The following SHC4 variants were observed in gnomAD, a reference collection of about 807,000 sequenced individuals.
The protein encoded by SHC4 is SHC adaptor protein 4.
SHC4 carries 41 observed loss-of-function variants against 69.4 expected under a neutral mutation model. The observed-to-expected ratio is 0.59, with a 90% confidence interval of 0.46 to 0.77. The LOEUF is 0.77. Among genes scored for constraint, SHC4 ranks in the 30% least tolerant of loss-of-function variants. SHC4 has a pLI of 0.00. For synonymous variants in SHC4, 318 were observed against 299.3 expected, an observed-to-expected ratio of 1.06 and a Z score of -0.64; for missense variants, 777 against 783.8, an observed-to-expected ratio of 0.99 and a Z score of 0.10.
intron 2 of SHC4, among the ~76,000 whole-genome samples, chr15:48,918,546 A>G (rs1423381939): frequency 1.3e-5 from 2 of 151,710 alleles, no homozygotes; most frequent in African/African-American, 4.8e-5. Context: ...CTTATTAAAC[A>G]TTACTATTGA....
intron 5 of SHC4, among the ~76,000 whole-genome samples, chr15:48,871,232 T>A (rs905732850): frequency 6.6e-6 from 1 of 152,206 alleles, no homozygotes; most frequent in African/African-American, 2.4e-5. Context: ...CTGTGTATGT[T>A]CCCCCTGCTT....
intron 2 of SHC4, among the ~76,000 whole-genome samples, chr15:48,902,022 C>A (rs190989586): frequency 2.0e-5 from 3 of 152,040 alleles, no homozygotes; most frequent in African/African-American, 7.2e-5. Context: ...TGCAACATGG[C>A]AAAACCCTGT....
At chr15:48,889,497 A>G (rs1420844583) in intron 3 of SHC4, among the ~76,000 whole-genome samples, 2 of 152,218 alleles carry the variant, frequency 1.3e-5, no homozygotes, top group Non-Finnish European at 2.9e-5. Flanking sequence ...CTCTTGTCTC[A>G]GACTCAGTTT....
intron 11 of SHC4, 127 bp from the exon 12 acceptor site, chr15:48,826,253 C>CTTTT: frequency 6.3e-6 from 4 of 639,568 alleles, no homozygotes; most frequent in East Asian, 3.5e-5. Flanking sequence ...AGAAAAGGTA[C>CTTTT]TTTTTTTTTT....
At position 48,856,020 on chromosome 15, in the gene SHC4, C is replaced by T. The variant is rs754919524; in HGVS notation, c.1175G>A (p.Arg392Gln). ...TTGTTCCGTGGCTTGAACTTTGATCCGCATATCTGAAACACCACCTACTGG... is the reference window on the plus strand; with the variant it reads ...TTGTTCCGTGGCTTGAACTTTGATCTGCATATCTGAAACACCACCTACTGG... ...QPPVGGVSDM[R>Q]IKVQATEQMA... is the part of the protein sequence containing the mutation. The change falls in exon 8 of 12, where the codon CGG becomes CAG. Residue 392 changes from arginine to glutamine, a missense_variant. By Grantham distance (43) the Arg-to-Gln change is conservative (BLOSUM62 1). Coordinates refer to ENST00000332408, the MANE Select transcript of SHC4 (RefSeq NM_203349.4). 2.4e-5 allele frequency: 39 copies of T among 1,613,692 alleles called. No individual in the cohort carries two copies. The East Asian group carries it at 4.0e-4, about 17-fold the overall frequency.
intron 1 of SHC4, among the ~76,000 whole-genome samples, chr15:48,941,449 T>C (rs1901173318): frequency 6.6e-6 from 1 of 152,042 alleles, no homozygotes; most frequent in African/African-American, 2.4e-5. Context: ...TTTTGAGAAA[T>C]TGATATTTTA....
chr15:48,914,363 C>G (rs1595755506), intron 2 of SHC4, among the ~76,000 whole-genome samples: 1 of 152,332 alleles, frequency 6.6e-6, no homozygotes, highest in African/African-American at 2.4e-5. Context: ...GGCCACTTAC[C>G]TCTCTGAGCC....
intron 1 of SHC4, among the ~76,000 whole-genome samples, chr15:48,944,526 A>G (rs554768460): frequency 6.6e-6 from 1 of 152,316 alleles, no homozygotes; most frequent in South Asian, 2.1e-4. Flanking sequence ...AATGAGCCCA[A>G]AGATGGAAGC....
chr15:48,876,587 G>A, intron 4 of SHC4: 1 of 698,848 alleles, frequency 1.4e-6, no homozygotes, highest in Non-Finnish European at 2.6e-6. Context: ...TGCAGGCTAA[G>A]GAGAGAGGAG....
At chr15:48,877,450 TAAGTTG>T in intron 4 of SHC4, 1 of 983,100 alleles carries the variant, frequency 1.0e-6, no homozygotes, top group Non-Finnish European at 1.2e-6. Context: ...CTGAGGCTTT[TAAGTTG>T]AAGGTAAAAA....
At position 48,825,692 on chromosome 15, in the gene SHC4, CTTG is replaced by C; in HGVS notation, c.*276_*278del. On this transcript the variant is annotated 3_prime_UTR_variant, in exon 12 of 12. Coordinates refer to ENST00000332408, the MANE Select transcript of SHC4 (RefSeq NM_203349.4). ...TGTGAAATTTTAGTTGTGCTTTTAGCTTGTTATCAATGCAATATGGCCTTAAAA... is the reference window on the plus strand; with the variant it reads ...TGTGAAATTTTAGTTGTGCTTTTAGCTTATCAATGCAATATGGCCTTAAAA... The C allele has an allele frequency of 3.5e-6, 1 of 286,032 alleles. No individual in the cohort carries two copies. The highest frequency in any genetic ancestry group is 6.9e-5 in the East Asian group (1 of 14,592). 17.7% of individuals were successfully genotyped at this position (286,032 alleles called of 1,614,324 possible). A position where few individuals can be genotyped will look rare whatever the true frequency, so the allele number is the denominator to read the frequency against.
chr15:48,930,623 C>T (rs916938968), intron 1 of SHC4, among the ~76,000 whole-genome samples: 13 of 152,046 alleles, frequency 8.6e-5, no homozygotes, highest in Admixed American at 5.2e-4. Flanking sequence ...GGGGACAGAG[C>T]GAGACCCTGT....
At chr15:48,908,463 T>A (rs1306752767) in intron 2 of SHC4, among the ~76,000 whole-genome samples, 1 of 152,224 alleles carries the variant, frequency 6.6e-6, no homozygotes, top group Admixed American at 6.5e-5. Context: ...CTTTGTCAGA[T>A]GTATAGATTG....
intron 11 of SHC4, among the ~76,000 whole-genome samples, chr15:48,832,408 T>C (rs529575005): frequency 1.7e-4 from 26 of 152,328 alleles, no homozygotes; most frequent in Middle Eastern, 6.8e-3. Context: ...AATGTGCTGA[T>C]AGTCTTATGG....
chr15:48,924,824 T>C, intron 2 of SHC4, 55 bp downstream of exon 2: 1 of 1,567,162 alleles, frequency 6.4e-7, no homozygotes, highest in Non-Finnish European at 8.8e-7. Context: ...GTGGGAGAAA[T>C]TATTGTGACT....
At chr15:48,835,093 T>C (rs1898876514) in intron 10 of SHC4, 71 bp from the exon 11 acceptor site, 5 of 1,501,890 alleles carry the variant, frequency 3.3e-6, no homozygotes, top group African/African-American at 1.4e-5. Context: ...ATTTATTCAC[T>C]CAGTAAATAT....
chr15:48,907,838 G>GTATATA (rs1491440626), intron 2 of SHC4, among the ~76,000 whole-genome samples: 1 of 113,738 alleles, frequency 8.8e-6, no homozygotes, highest in East Asian at 3.5e-4. Context: ...GTGTGTGTGT[G>GTATATA]TGTATATATA....
chr15:48,841,870 C>A (rs902873533), intron 10 of SHC4, among the ~76,000 whole-genome samples: 2 of 152,124 alleles, frequency 1.3e-5, no homozygotes, highest in African/African-American at 2.4e-5. Flanking sequence ...CAATAAGGAC[C>A]CCTGGTTCTT....
intron 4 of SHC4, 82 bp from the exon 5 acceptor site, chr15:48,872,224 T>G: frequency 1.2e-6 from 1 of 827,616 alleles, no homozygotes. Context: ...AGACATACAT[T>G]TGTTTGTTTT....
Sources: gnomAD v4.1 joint callset for allele counts (sites outside exome capture counted in the v4.1 genomes callset) on GRCh38, gnomAD v4.1.1 for gene constraint, MANE v1.5 for transcripts, NCBI Gene and HGNC (gene_info 2026-07-23, HGNC 2026-07-21) for gene names.